RHBDD1: variants seen among roughly 807,000 people sequenced by gnomAD.
The protein encoded by RHBDD1 is rhomboid-related protein 4.
A neutral mutation model predicts 36.3 loss-of-function variants in RHBDD1; 38 were observed. That is an observed-to-expected ratio of 1.05 (90% CI 0.81 to 1.37). The LOEUF is 1.37. RHBDD1 is among the 40% of genes most tolerant of loss of function. RHBDD1 has a pLI of 0.00. For missense variants in RHBDD1, 393 were observed against 377.6 expected (o/e 1.04, Z -0.34); for synonymous variants, 151 against 136.5 (o/e 1.11, Z -0.74).
chr2:226,968,788 A>G (rs970775413), intron 8 of RHBDD1, among the ~76,000 whole-genome samples: 1 of 152,212 alleles, frequency 6.6e-6, no homozygotes, highest in Non-Finnish European at 1.5e-5. Flanking sequence ...GCATGAAAGT[A>G]TAATCGGTGT....
the RHBDD1 span, among the ~76,000 whole-genome samples, chr2:226,802,481 T>C: frequency 6.6e-6 from 1 of 152,220 alleles, no homozygotes; most frequent in Non-Finnish European, 1.5e-5. Flanking sequence ...GGAAATTCAT[T>C]TACATTTGGT....
At chr2:226,882,137 G>A (rs550571063) in intron 5 of RHBDD1, among the ~76,000 whole-genome samples, 1 of 152,166 alleles carries the variant, frequency 6.6e-6, no homozygotes, top group African/African-American at 2.4e-5. Context: ...TGAAAATAAA[G>A]AAATGATATG....
At chr2:226,908,656 T>A (rs1293691881) in intron 6 of RHBDD1, 166 bp from the exon 7 acceptor site, 1 of 617,160 alleles carries the variant, frequency 1.6e-6, no homozygotes, top group Non-Finnish European at 2.9e-6. Flanking sequence ...CACACTCTTT[T>A]CCAGTTAGGG....
At chr2:226,852,298 G>C (rs933500887) in intron 3 of RHBDD1, among the ~76,000 whole-genome samples, 1 of 151,958 alleles carries the variant, frequency 6.6e-6, no homozygotes, top group South Asian at 2.1e-4. Context: ...CCTTTGTTTC[G>C]CCGCAGTAAT....
intron 3 of RHBDD1, among the ~76,000 whole-genome samples, chr2:226,864,304 T>C (rs1234736296): frequency 1.3e-5 from 2 of 152,176 alleles, no homozygotes; most frequent in African/African-American, 4.8e-5. Context: ...AGGTTTTTCA[T>C]GAGGTTACAT....
At chr2:226,878,090 G>A (rs1420341811) in intron 5 of RHBDD1, among the ~76,000 whole-genome samples, 1 of 152,176 alleles carries the variant, frequency 6.6e-6, no homozygotes, top group Non-Finnish European at 1.5e-5. Flanking sequence ...TTTGAGAATT[G>A]CTGCTTTAAA....
chr2:226,853,490 G>C (rs1008188705), intron 3 of RHBDD1, among the ~76,000 whole-genome samples: 1 of 152,242 alleles, frequency 6.6e-6, no homozygotes, highest in African/African-American at 2.4e-5. Context: ...AAGGGTCACA[G>C]CTGGGAGGCA....
At chr2:226,800,266 TC>T in the RHBDD1 span, 2 of 152,392 alleles carry the variant, frequency 1.3e-5, no homozygotes, top group South Asian at 4.1e-4. Flanking sequence ...CAAGGCTGTT[TC>T]CCCCAGGAAA....
At chr2:226,951,452 T>C (rs1337802738) in intron 8 of RHBDD1, among the ~76,000 whole-genome samples, 2 of 152,328 alleles carry the variant, frequency 1.3e-5, no homozygotes, top group African/African-American at 4.8e-5. Flanking sequence ...TTTAGCAAAT[T>C]AGAGTTTTGT....
chr2:226,839,774 T>C (rs538746922), intron 3 of RHBDD1, 147 bp downstream of exon 3: 2 of 152,164 alleles, frequency 1.3e-5, no homozygotes, highest in Admixed American at 6.5e-5. Context: ...AGTAGGATTC[T>C]GTGCACTTTT....
At position 226,927,282 on chromosome 2, in the gene RHBDD1, AT is replaced by A. The variant is rs369984145; in HGVS notation, c.856+12939del. On this transcript the variant is annotated intron_variant, in intron 8 of 8. Transcript: ENST00000392062. ...TCTCTTTCTATTAACTATATTGATA[AT>A]TTTTTTTCTTTTATGGTTGAATTAT... is the stretch of plus-strand genomic sequence containing the variant. Among the ~76,000 whole-genome samples the A allele has an allele frequency of 9.9e-4, 150 of 150,924 alleles. 4 individuals carry two copies. The East Asian group carries it at 0.02, about 20-fold the overall frequency.
chr2:226,901,686 CA>C (rs1947609622), intron 5 of RHBDD1, among the ~76,000 whole-genome samples: 2 of 152,020 alleles, frequency 1.3e-5, no homozygotes. Flanking sequence ...AAGGAAATAG[CA>C]AAATGAAAAG....
intron 5 of RHBDD1, among the ~76,000 whole-genome samples, chr2:226,878,789 G>C (rs1033120832): frequency 1.3e-5 from 2 of 152,220 alleles, no homozygotes; most frequent in Non-Finnish European, 2.9e-5. Flanking sequence ...TAGATTTGGG[G>C]AGACTTGTTC....
intron 8 of RHBDD1, among the ~76,000 whole-genome samples, chr2:226,932,640 T>C (rs1950094511): frequency 6.6e-6 from 1 of 152,058 alleles, no homozygotes; most frequent in South Asian, 2.1e-4. Flanking sequence ...CCCGGTAGTA[T>C]AGTGCAATTA....
chr2:226,888,334 A>C (rs1042497603), intron 5 of RHBDD1, among the ~76,000 whole-genome samples: 4 of 152,340 alleles, frequency 2.6e-5, no homozygotes, highest in Admixed American at 6.5e-5. Context: ...AGTGTTACAG[A>C]AATTAGAATA....
chr2:226,838,953 C>T (rs186435500), intron 2 of RHBDD1, among the ~76,000 whole-genome samples: 5 of 152,226 alleles, frequency 3.3e-5, no homozygotes, highest in Admixed American at 6.5e-5. Flanking sequence ...GGACAGTCAG[C>T]TAGAGAAGGG....
At chr2:226,838,759 A>G (rs1164909877) in intron 2 of RHBDD1, among the ~76,000 whole-genome samples, 4 of 152,214 alleles carry the variant, frequency 2.6e-5, no homozygotes, top group African/African-American at 9.7e-5. Context: ...CAAAGCTTTC[A>G]TATTATTGTG....
chr2:226,889,497 T>C (rs1322262220), intron 5 of RHBDD1, among the ~76,000 whole-genome samples: 1 of 152,172 alleles, frequency 6.6e-6, no homozygotes, highest in Non-Finnish European at 1.5e-5. Flanking sequence ...ATTAAAACTA[T>C]CTGGTGAAAC....
At chr2:226,908,190 C>G (rs1252522788) in intron 6 of RHBDD1, 2 of 152,136 alleles carry the variant, frequency 1.3e-5, no homozygotes, top group Admixed American at 6.5e-5. Context: ...TGCAAATAGC[C>G]TGCGAACTCG....
Sources: gnomAD v4.1 joint callset for allele counts (sites outside exome capture counted in the v4.1 genomes callset) on GRCh38, gnomAD v4.1.1 for gene constraint, MANE v1.5 for transcripts, NCBI Gene and HGNC (gene_info 2026-07-23, HGNC 2026-07-21) for gene names.